Variants in MAEL observed in about 807,000 individuals in gnomAD.
The protein encoded by MAEL is maelstrom spermatogenic transposon silencer, also known as protein maelstrom homolog.
In MAEL, 46 loss-of-function variants were observed where a neutral mutation model predicts 62.0. The observed-to-expected ratio is 0.74, with a 90% CI of 0.59 to 0.95. MAEL has a LOEUF of 0.95. Among genes scored for constraint, MAEL ranks in the 40% least tolerant of loss-of-function variants. MAEL has a pLI of 0.00. For synonymous variants in MAEL, 172 were observed against 175.5 expected (o/e 0.98, Z 0.16); for missense variants, 497 against 526.8 (o/e 0.94, Z 0.55).
In MAEL at chr1:167,017,971, A is replaced by T. The variant is rs748441842; in HGVS notation, c.1041+12A>T. 5 of 1,611,424 alleles carry T rather than the reference A, an allele frequency of 3.1e-6. No homozygotes were observed. The East Asian group carries it at 1.1e-4, about 36-fold the overall frequency. On this transcript the variant is annotated intron_variant, in intron 10 of 11. Transcript: ENST00000367872. ...CAGGGCGTTACCAGGTAAGGAACTGACTTTTAAGAGCTGCTGGTCTCTTTA... is the reference window on the plus strand; with the variant it reads ...CAGGGCGTTACCAGGTAAGGAACTGTCTTTTAAGAGCTGCTGGTCTCTTTA...
intron 6 of MAEL, 115 bp from the exon 7 acceptor site, chr1:167,004,961 G>A (rs1472335317): frequency 4.6e-6 from 4 of 877,404 alleles, no homozygotes; most frequent in Non-Finnish European, 7.1e-6. Flanking sequence ...TCTTTCTCCT[G>A]TGCCCCCTAC....
At chr1:166,976,037 C>A (rs540939030) in intron 1 of MAEL, among the ~76,000 whole-genome samples, 1 of 152,190 alleles carries the variant, frequency 6.6e-6, no homozygotes, top group African/African-American at 2.4e-5. Context: ...TGCAAGGAAC[C>A]AGGCAAGAGG....
intron 5 of MAEL, among the ~76,000 whole-genome samples, chr1:167,001,192 A>G (rs1664647162): frequency 6.6e-6 from 1 of 152,206 alleles, no homozygotes; most frequent in African/African-American, 2.4e-5. Context: ...TCTCACTCAT[A>G]AATGGGAGCT....
In MAEL at chr1:166,989,420, G is replaced by T; in HGVS notation, c.68G>T (p.Arg23Leu). ...FFVQEKIPEL[R>L]RRGLPVARVA... ...GTGCAGGAGAAGATCCCCGAACTAC[G>T]GCGACGAGGCCTGCCTGTGGCTCGC... Residue 23 changes from arginine (R) to leucine (L), a missense_variant, in exon 1 of 12, where the codon CGG becomes CTG. Coordinates refer to ENST00000367872, the MANE Select transcript of MAEL (RefSeq NM_032858.3). 6.2e-7 allele frequency: 1 copy of T among 1,602,624 alleles called. No homozygotes were observed. The highest frequency in any genetic ancestry group is 1.3e-5 in the African/African-American group (1 of 74,932).
intron 8 of MAEL, 130 bp downstream of exon 8, chr1:167,005,527 A>G: frequency 1.3e-6 from 1 of 775,302 alleles, no homozygotes; most frequent in Non-Finnish European, 2.0e-6. Context: ...ATTTCCCTGA[A>G]TATAAAATTT....
intron 5 of MAEL, 27 bp downstream of exon 5, chr1:166,994,096 T>A: frequency 6.2e-7 from 1 of 1,602,204 alleles, no homozygotes; most frequent in Non-Finnish European, 8.5e-7. Context: ...GGGGTAGGAT[T>A]TGTGACTTGA....
intron 4 of MAEL, 40 bp from the exon 5 acceptor site, chr1:166,993,986 CTT>C (rs1487826613): frequency 1.9e-6 from 3 of 1,565,766 alleles, no homozygotes; most frequent in Non-Finnish European, 1.8e-6. Flanking sequence ...CACTAGAGAA[CTT>C]TAAAATTTTT....
intron 5 of MAEL, among the ~76,000 whole-genome samples, chr1:167,000,022 A>G (rs765855962): frequency 1.3e-5 from 2 of 152,226 alleles, no homozygotes; most frequent in Non-Finnish European, 2.9e-5. Flanking sequence ...AGACCTAGTC[A>G]TCCAAGAGCT....
At chr1:167,001,665 A>C (rs895987635) in intron 5 of MAEL, among the ~76,000 whole-genome samples, 1 of 152,164 alleles carries the variant, frequency 6.6e-6, no homozygotes, top group Admixed American at 6.5e-5. Context: ...CTGGAACTGA[A>C]CCCACAGCAT....
chr1:166,992,699 C>T lies in MAEL; in HGVS notation c.339C>T (p.Gly113=). 8 of 1,587,992 alleles carry T rather than the reference C, an allele frequency of 5.0e-6. No homozygotes were observed. The highest frequency in any genetic ancestry group is 6.8e-6 in the Non-Finnish European group (8 of 1,171,876). The change falls in exon 4 of 12, where the codon GGC becomes GGT. Residue 113 remains glycine (G), a synonymous_variant. Coordinates refer to ENST00000367872, the MANE Select transcript of MAEL (RefSeq NM_032858.3). ...ATTTTTTTTTAGCTCTCCTTGGAGG[C>T]ATTTTTTATTTTTTGAACATTTTTA... ...SLKGDQALLG[G]IFYFLNIFSH...
At chr1:166,989,173 AT>A (rs1027627077), upstream of MAEL, 14 of 841,962 alleles carry the variant, frequency 1.7e-5, no homozygotes, top group Non-Finnish European at 2.5e-5. Context: ...ACGAGCCGGA[AT>A]CTTCCAGTCT....
chr1:166,992,401 G>T (rs1271247423), intron 3 of MAEL, among the ~76,000 whole-genome samples: 1 of 152,088 alleles, frequency 6.6e-6, no homozygotes, highest in Non-Finnish European at 1.5e-5. Context: ...TGAGATTCAG[G>T]GCTTATCTAT....
At chr1:167,020,875 G>A (rs1275401016) in intron 10 of MAEL, among the ~76,000 whole-genome samples, 1 of 151,712 alleles carries the variant, frequency 6.6e-6, no homozygotes, top group African/African-American at 2.4e-5. Context: ...TAAAAAAAAA[G>A]GCAAACCCTT....
At chr1:167,016,324 T>C in intron 9 of MAEL, 40 bp downstream of exon 9, 2 of 1,582,840 alleles carry the variant, frequency 1.3e-6, no homozygotes, top group Non-Finnish European at 8.7e-7. Context: ...TACTGTATTC[T>C]GATTAAATTA....
intron 10 of MAEL, 67 bp from the exon 11 acceptor site, chr1:167,021,018 G>C: frequency 8.8e-7 from 1 of 1,140,140 alleles, no homozygotes; most frequent in Non-Finnish European, 1.3e-6. Flanking sequence ...TGAAATTGAA[G>C]ACAGACCATC....
intron 1 of MAEL, among the ~76,000 whole-genome samples, chr1:166,976,102 T>G (rs1663571239): frequency 6.6e-6 from 1 of 152,178 alleles, no homozygotes; most frequent in Admixed American, 6.5e-5. Flanking sequence ...TTTTTCCTGT[T>G]AAAATATGAG....
Position 166,989,374 on chromosome 1 carries a change from C to T in MAEL, c.22C>T (p.Arg8Trp). 6.2e-7 allele frequency: 1 copy of T among 1,609,828 alleles called. No homozygotes were observed. Among genetic ancestry groups the T allele is most frequent in the Non-Finnish European group, 8.5e-7 (1 of 1,178,232 alleles). MPNRKAS[R>W]NAYYFFVQEK... ...TGCCATGCCGAACCGTAAGGCCAGC[C>T]GGAATGCTTACTATTTCTTCGTGCA... is the stretch of plus-strand genomic sequence containing the variant. Residue 8 changes from arginine (R) to tryptophan (W), a missense_variant, in exon 1 of 12, where the codon CGG becomes TGG. Physicochemically the swap from Arg to Trp is moderately radical, Grantham distance 101. Coordinates refer to ENST00000367872, the MANE Select transcript of MAEL (RefSeq NM_032858.3).
chr1:166,994,149 C>G, intron 5 of MAEL, 80 bp downstream of exon 5: 2 of 1,239,028 alleles, frequency 1.6e-6, no homozygotes, highest in Non-Finnish European at 1.1e-6. Context: ...TACACACAAA[C>G]TATAAAATAA....
At position 166,999,970 on chromosome 1, in the gene MAEL, A is replaced by T. The variant is rs575429710; in HGVS notation, c.524-4210A>T. ...ACTGTTGAAATCTGCTGCTCAGAAA[A>T]AAAAAAAGATTCCTTTCAAAATTTT... On this transcript the variant is annotated intron_variant, in intron 5 of 11. Coordinates refer to ENST00000367872, the MANE Select transcript of MAEL (RefSeq NM_032858.3). Among the ~76,000 whole-genome samples the T allele has an allele frequency of 2.6e-5, 4 of 151,610 alleles. No individual in the cohort carries two copies. In the South Asian group the frequency reaches 8.3e-4, roughly 31 times the overall value.
Sources: gnomAD v4.1 joint callset for allele counts (sites outside exome capture counted in the v4.1 genomes callset) on GRCh38, gnomAD v4.1.1 for gene constraint, MANE v1.5 for transcripts, NCBI Gene and HGNC (gene_info 2026-07-23, HGNC 2026-07-21) for gene names.